Variants in LPL observed in about 807,000 individuals in gnomAD.
LPL encodes the protein phospholipase A1.
Under a neutral mutation model 52.2 loss-of-function variants are expected in LPL, and 43 were observed. The ratio of observed to expected loss-of-function variants is 0.82; its 90% CI spans 0.64 to 1.06. The LOEUF (loss-of-function observed/expected upper bound fraction) is 1.06. Among genes scored for constraint, LPL ranks in the 50% least tolerant of loss-of-function variants. The pLI, the probability that LPL is intolerant of heterozygous loss-of-function variation, is 0.00. For synonymous variants in LPL, 244 were observed against 215.6 expected, an observed-to-expected ratio of 1.13 and a Z score of -1.15; for missense variants, 639 against 585.3, an observed-to-expected ratio of 1.09 and a Z score of -0.95.
chr8:19,948,126 G>C, intron 1 of LPL, 54 bp from the exon 2 acceptor site: 2 of 1,561,964 alleles, frequency 1.3e-6, no homozygotes, highest in Non-Finnish European at 1.8e-6. Flanking sequence ...TCATTCCAAT[G>C]AATAAAATCA....
chr8:19,947,988 G>A (rs1435262819), intron 1 of LPL, among the ~76,000 whole-genome samples, 192 bp from the exon 2 acceptor site: 2 of 152,160 alleles, frequency 1.3e-5, no homozygotes, highest in East Asian at 1.9e-4. Context: ...CAGAGTTAAG[G>A]TTGTCTCTCT....
chr8:19,951,959 G>C lies in LPL; in HGVS notation c.429+11G>C. The C allele has an allele frequency of 6.2e-7, 1 of 1,614,172 alleles. No homozygotes were observed. Among genetic ancestry groups the C allele is most frequent in the Non-Finnish European group, 8.5e-7 (1 of 1,180,030 alleles). ...ATCAACTGGATGGAGGTAAGACTGG[G>C]AGAAGGAGACTTATGTGTCCAAAAC... is the stretch of plus-strand genomic sequence containing the variant. On this transcript the variant is annotated intron_variant, in intron 3 of 9. Transcript: ENST00000650287.
rs960865617 is a variant in LPL at position 19,944,599 on chromosome 8, C to A, written c.89-3581C>A. ...CTTTGATCTGCCTTTAAAGCACCAT[C>A]TGCTGCTTTCCTGGGATGCTCAACA... is the stretch of plus-strand genomic sequence containing the variant. On this transcript the variant is annotated intron_variant, in intron 1 of 9. Transcript: ENST00000650287. This position sits in a 1 kb window ranked among gnomAD's most constrained non-coding sequence, Gnocchi z 4.2. Among the ~76,000 whole-genome samples, 66 of 152,218 alleles carry A rather than the reference C, an allele frequency of 4.3e-4. No homozygotes were observed. Among genetic ancestry groups the A allele is most frequent in the African/African-American group, 1.5e-3 (63 of 41,460 alleles).
intron 3 of LPL, among the ~76,000 whole-genome samples, chr8:19,952,909 C>T (rs1432364704): frequency 6.6e-6 from 1 of 152,088 alleles, no homozygotes; most frequent in African/African-American, 2.4e-5. Flanking sequence ...TACATATATG[C>T]ATGCATATAA....
intron 6 of LPL, among the ~76,000 whole-genome samples, chr8:19,957,544 G>A (rs2069997264): frequency 6.6e-6 from 1 of 152,146 alleles, no homozygotes; most frequent in Non-Finnish European, 1.5e-5. Context: ...CCTGCCTCCT[G>A]CACCAGTGGG....
At chr8:19,945,585 T>C (rs2069876177) in intron 1 of LPL, among the ~76,000 whole-genome samples, 1 of 152,340 alleles carries the variant, frequency 6.6e-6, no homozygotes, top group East Asian at 1.9e-4. Flanking sequence ...GAGCTGTCAG[T>C]GAGCCATACA....
rs11570898 is a variant in LPL, at chr8:19,948,435, C to T, written c.249+95C>T. On this transcript the variant is annotated intron_variant, in intron 2 of 9. Transcript: ENST00000650287. ...GGGGACCCAGTGATGGGTCCGCACC[C>T]CACATCTCACGTGGATCTCCTTACA... is the stretch of plus-strand genomic sequence containing the variant. The T allele has an allele frequency of 2.2e-4, 296 of 1,371,586 alleles. 2 individuals are homozygous for T. In the East Asian group the frequency reaches 6.7e-3, roughly 31 times the overall value. The allele number at this position is 1,371,586 out of a possible 1,614,324, so 85.0% of individuals were successfully genotyped here. A position where few individuals can be genotyped will look rare whatever the true frequency, so the allele number is the denominator to read the frequency against.
intron 9 of LPL, among the ~76,000 whole-genome samples, chr8:19,964,747 A>G (rs1444318651): frequency 6.6e-6 from 1 of 151,840 alleles, no homozygotes; most frequent in East Asian, 1.9e-4. Context: ...CAGGCTGGTC[A>G]TTGAACTCCT....
intron 5 of LPL, among the ~76,000 whole-genome samples, chr8:19,955,494 A>G (rs1274506619): frequency 1.3e-5 from 2 of 152,206 alleles, no homozygotes; most frequent in East Asian, 3.9e-4. Flanking sequence ...TTCTAGAAGC[A>G]CCTAGAAGTG....
intron 2 of LPL, among the ~76,000 whole-genome samples, chr8:19,949,684 T>G (rs2069916472): frequency 2.0e-5 from 3 of 152,178 alleles, no homozygotes. Flanking sequence ...GGTTTCACCC[T>G]GTTGGCCAGG....
intron 2 of LPL, among the ~76,000 whole-genome samples, chr8:19,949,429 T>C (rs1227216482): frequency 6.6e-6 from 1 of 152,234 alleles, no homozygotes; most frequent in Non-Finnish European, 1.5e-5. Context: ...TGATAAAATC[T>C]CAAATTCCTA....
intron 9 of LPL, among the ~76,000 whole-genome samples, chr8:19,962,647 ACTGCATCAC>A (rs1381972015): frequency 6.6e-6 from 1 of 152,134 alleles, no homozygotes; most frequent in Non-Finnish European, 1.5e-5. Flanking sequence ...AAAAGATCTC[ACTGCATCAC>A]CTGCAGCCAC....
At chr8:19,952,545 G>A (rs2069945074) in intron 3 of LPL, among the ~76,000 whole-genome samples, 2 of 152,136 alleles carry the variant, frequency 1.3e-5, no homozygotes, top group South Asian at 4.2e-4. Context: ...AAAGTATCTT[G>A]GGGTTGGAAA....
At chr8:19,951,973 T>C (rs373769890) in intron 3 of LPL, 25 bp downstream of exon 3, 1 of 1,613,922 alleles carries the variant, frequency 6.2e-7, no homozygotes, top group Non-Finnish European at 8.5e-7. Context: ...AGGAGACTTA[T>C]GTGTCCAAAA....
At chr8:19,943,875 T>C (rs2069861490) in intron 1 of LPL, among the ~76,000 whole-genome samples, 1 of 152,154 alleles carries the variant, frequency 6.6e-6, no homozygotes, top group African/African-American at 2.4e-5. Flanking sequence ...TCCTATTCCA[T>C]TAATAAAACA....
chr8:19,965,439 C>G lies in LPL; in HGVS notation c.*129C>G. 5.7e-6 allele frequency: 4 copies of G among 699,314 alleles called. No homozygotes were observed. In the Admixed American group the frequency reaches 8.2e-5, roughly 14 times the overall value. The allele number at this position is 699,314 out of a possible 1,614,324, so 43.3% of individuals were successfully genotyped here. A position where few individuals can be genotyped will look rare whatever the true frequency, so the allele number is the denominator to read the frequency against. The stretch of plus-strand genomic sequence containing the variant: ...AAAGTGGATTTTCCTGAATATTAAT[C>G]CCAGCCCTACCCTTGTTAGTTATTT... On this transcript the variant is annotated 3_prime_UTR_variant, in exon 10 of 10. Coordinates refer to ENST00000650287, the MANE Select transcript of LPL (RefSeq NM_000237.3).
intron 2 of LPL, among the ~76,000 whole-genome samples, chr8:19,949,298 T>C (rs192296320): frequency 1.4e-3 from 219 of 152,270 alleles, no homozygotes; most frequent in Non-Finnish European, 2.6e-3. Flanking sequence ...GCTTTGTTAT[T>C]GACTGAAGAG....
chr8:19,961,262 G>A (rs117026536), intron 8 of LPL, among the ~76,000 whole-genome samples, 179 bp downstream of exon 8: 10 of 53,788 alleles, frequency 1.9e-4, no homozygotes, highest in Admixed American at 3.3e-4. Context: ...TGGGGGGCAG[G>A]GGGGGGGAAG....
Position 19,953,369 on chromosome 8 carries a change from T to C in LPL, c.489T>C (p.His163=), listed in dbSNP as rs2128837992. The change falls in exon 4 of 10, where the codon CAT becomes CAC. Residue 163 remains histidine, a synonymous_variant. Coordinates refer to ENST00000650287, the MANE Select transcript of LPL (RefSeq NM_000237.3). ...VHLLGYSLGA[H]AAGIAGSLTN... is the part of the protein sequence containing the mutation. ...TCTTGGGATACAGCCTTGGAGCCCA[T>C]GCTGCTGGCATTGCAGGAAGTCTGA... The C allele has an allele frequency of 6.2e-7, 1 of 1,614,098 alleles. No individual in the cohort carries two copies. The highest frequency in any genetic ancestry group is 2.2e-5 in the East Asian group (1 of 44,886).
Sources: allele counts gnomAD v4.1 joint callset (sites outside exome capture counted in the v4.1 genomes callset), GRCh38; gene constraint gnomAD v4.1.1; non-coding constraint Gnocchi (gnomAD v3.1); transcripts MANE v1.5; gene names NCBI Gene and HGNC (gene_info 2026-07-23, HGNC 2026-07-21).